The following EPHA6 variants were observed in gnomAD, a reference collection of about 807,000 sequenced individuals.
EPHA6 encodes the protein EPH receptor A6, also known as ephrin type-A receptor 6.
A neutral mutation model predicts 112.0 loss-of-function variants in EPHA6; 50 were observed. The ratio of observed to expected loss-of-function variants is 0.45; its 90% CI spans 0.36 to 0.56. EPHA6 has a LOEUF of 0.56. Among genes scored for constraint, EPHA6 ranks in the 20% least tolerant of loss-of-function variants. EPHA6 has a pLI of 0.00. For synonymous variants in EPHA6, 529 were observed against 490.7 expected, an observed-to-expected ratio of 1.08 and a Z score of -1.03; for missense variants, 1,280 against 1,417.4, an observed-to-expected ratio of 0.90 and a Z score of 1.56.
chr3:97,481,153 G>GA (rs767125196), intron 9 of EPHA6: 1 of 767,348 alleles, frequency 1.3e-6, no homozygotes, highest in Non-Finnish European at 2.3e-6. Flanking sequence ...GTAGAGAGCC[G>GA]AGATCACGCC....
intron 3 of EPHA6, among the ~76,000 whole-genome samples, chr3:97,091,283 A>G (rs2047057843): frequency 6.6e-6 from 1 of 152,144 alleles, no homozygotes; most frequent in Admixed American, 6.6e-5. Flanking sequence ...TTAGCTCAAA[A>G]GGGATCCCCG....
intron 14 of EPHA6, among the ~76,000 whole-genome samples, chr3:97,713,771 C>A (rs1344595355): frequency 2.0e-5 from 3 of 152,194 alleles, no homozygotes; most frequent in Non-Finnish European, 4.4e-5. Flanking sequence ...GAAAAGCAAG[C>A]AATCCAGACA....
chr3:97,151,836 GTAA>G (rs1307382792), intron 3 of EPHA6, among the ~76,000 whole-genome samples: 8 of 151,626 alleles, frequency 5.3e-5, no homozygotes, highest in East Asian at 1.9e-4. Context: ...ATTTATACTG[GTAA>G]TAATATATGA....
intron 7 of EPHA6, among the ~76,000 whole-genome samples, chr3:97,450,879 C>A (rs1443815834): frequency 6.6e-6 from 1 of 151,962 alleles, no homozygotes; most frequent in Non-Finnish European, 1.5e-5. Flanking sequence ...CGTGTACTAT[C>A]ATAAAGATAT....
chr3:96,850,263 G>A (rs1429117019), intron 1 of EPHA6, among the ~76,000 whole-genome samples: 1 of 152,070 alleles, frequency 6.6e-6, no homozygotes, highest in Non-Finnish European at 1.5e-5. Flanking sequence ...GGATGTGAGA[G>A]TTTGTAGCTA....
intron 4 of EPHA6, among the ~76,000 whole-genome samples, chr3:97,228,280 A>G (rs2078418646): frequency 6.6e-6 from 1 of 152,204 alleles, no homozygotes; most frequent in East Asian, 1.9e-4. Context: ...AGCAGTGTAC[A>G]CTGTACTCAA....
chr3:97,032,650 G>A (rs577312272), intron 3 of EPHA6, among the ~76,000 whole-genome samples: 1 of 151,852 alleles, frequency 6.6e-6, no homozygotes, highest in Non-Finnish European at 1.5e-5. Context: ...ACTTTCACCT[G>A]TGTGTGTAAT....
intron 13 of EPHA6, among the ~76,000 whole-genome samples, chr3:97,612,870 A>T (rs1466100591): frequency 6.6e-6 from 1 of 152,114 alleles, no homozygotes; most frequent in Non-Finnish European, 1.5e-5. Flanking sequence ...CTTGCAGAAT[A>T]GTGCCTGACA....
intron 16 of EPHA6, among the ~76,000 whole-genome samples, chr3:97,738,489 T>C (rs1000401030): frequency 1.3e-5 from 2 of 152,100 alleles, no homozygotes; most frequent in African/African-American, 4.8e-5. Context: ...ATTTCCTCTC[T>C]GCTTTTTCAA....
chr3:97,486,484 A>C (rs2091702033), intron 10 of EPHA6, among the ~76,000 whole-genome samples: 1 of 152,190 alleles, frequency 6.6e-6, no homozygotes. Context: ...TTTTAGGCTC[A>C]AGGTCCTGGC....
intron 3 of EPHA6, among the ~76,000 whole-genome samples, chr3:97,038,570 G>A (rs994706227): frequency 6.6e-6 from 1 of 152,048 alleles, no homozygotes; most frequent in African/African-American, 2.4e-5. Context: ...GATAGGCAAT[G>A]AGGTTGCTTC....
chr3:97,066,488 A>G (rs1469257130), intron 3 of EPHA6, among the ~76,000 whole-genome samples: 1 of 152,152 alleles, frequency 6.6e-6, no homozygotes, highest in East Asian at 1.9e-4. Flanking sequence ...AGGTTTTAGG[A>G]AAACTAGAGA....
intron 1 of EPHA6, among the ~76,000 whole-genome samples, chr3:96,823,292 G>A (rs1422225014): frequency 6.6e-6 from 1 of 151,672 alleles, no homozygotes; most frequent in Non-Finnish European, 1.5e-5. Context: ...CAGTAGCTAA[G>A]TAGCTATAAA....
intron 12 of EPHA6, among the ~76,000 whole-genome samples, chr3:97,600,701 G>C (rs1297923622): frequency 6.6e-6 from 1 of 151,692 alleles, no homozygotes; most frequent in Non-Finnish European, 1.5e-5. Flanking sequence ...CCTAAAGTTT[G>C]CACACAAAGA....
chr3:97,676,051 A>G (rs1201666809), intron 14 of EPHA6, among the ~76,000 whole-genome samples: 1 of 152,136 alleles, frequency 6.6e-6, no homozygotes, highest in Non-Finnish European at 1.5e-5. Context: ...TAAATTTTGG[A>G]TATGTTAAGT....
At chr3:96,991,777 T>C (rs1169381802) in intron 3 of EPHA6, among the ~76,000 whole-genome samples, 2 of 152,176 alleles carry the variant, frequency 1.3e-5, no homozygotes, top group Admixed American at 6.5e-5. Context: ...AAAATCCCTG[T>C]TGATCTGCAG....
intron 2 of EPHA6, among the ~76,000 whole-genome samples, chr3:96,952,215 C>G (rs1422743151): frequency 6.6e-6 from 1 of 152,148 alleles, no homozygotes. Context: ...ATAAGCACTG[C>G]CTAGTACAGT....
rs1430736409 is a variant in EPHA6 at position 96,895,319 on chromosome 3, GA to G, written c.450+28436del. Among the ~76,000 whole-genome samples, 4 of 151,764 alleles carry G rather than the reference GA, an allele frequency of 2.6e-5. No homozygotes were observed. The South Asian group carries it at 6.2e-4, about 24-fold the overall frequency. On this transcript the variant is annotated intron_variant, in intron 2 of 17. Transcript: ENST00000389672. ...AAAGGTTGTAGAATAAAGATGTAAA[GA>G]AAAAAGTATTTTTGAACAGCTATCC...
At chr3:97,051,553 C>G (rs1425890813) in intron 3 of EPHA6, among the ~76,000 whole-genome samples, 1 of 152,086 alleles carries the variant, frequency 6.6e-6, no homozygotes, top group Non-Finnish European at 1.5e-5. Flanking sequence ...AAAAATATCT[C>G]TTGACTTGAT....
Sources: allele counts gnomAD v4.1 joint callset (sites outside exome capture counted in the v4.1 genomes callset), GRCh38; gene constraint gnomAD v4.1.1; transcripts MANE v1.5; gene names NCBI Gene and HGNC (gene_info 2026-07-23, HGNC 2026-07-21).